PDCD2L: variants seen among roughly 807,000 people sequenced by gnomAD.
PDCD2L encodes uS5 assembly chaperone PDCD2L.
PDCD2L carries 44 observed loss-of-function variants against 40.4 expected under a neutral mutation model. The ratio of observed to expected loss-of-function variants is 1.09; its 90% CI spans 0.86 to 1.40. The LOEUF (loss-of-function observed/expected upper bound fraction) is 1.40. Ranked by LOEUF, PDCD2L falls within the 40% of genes most tolerant of loss-of-function variation. PDCD2L has a pLI of 0.00. For missense variants in PDCD2L, 470 were observed against 453.7 expected, an observed-to-expected ratio of 1.04 and a Z score of -0.33; for synonymous variants, 194 against 174.6, an observed-to-expected ratio of 1.11 and a Z score of -0.88.
chr19:34,423,127 C>T (rs541429006), intron 6 of PDCD2L, among the ~76,000 whole-genome samples: 11 of 152,290 alleles, frequency 7.2e-5, no homozygotes, highest in African/African-American at 2.6e-4. Context: ...AGATAGTATG[C>T]ATCTGGCTCC....
intron 4 of PDCD2L, among the ~76,000 whole-genome samples, chr19:34,410,104 A>G (rs1490358685): frequency 1.3e-5 from 2 of 152,118 alleles, no homozygotes; most frequent in South Asian, 2.1e-4. Flanking sequence ...ATTTTTGCTT[A>G]TTGATTGACT....
chr19:34,411,963 C>CATATATATATATATATATAT (rs74177146), intron 4 of PDCD2L, among the ~76,000 whole-genome samples: 2 of 137,672 alleles, frequency 1.5e-5, no homozygotes, highest in African/African-American at 5.3e-5. Context: ...ATGAAAAATA[C>CATATATATATATATATATAT]ATATATATAT....
chr19:34,424,907 G>A (rs2075169262), intron 6 of PDCD2L, among the ~76,000 whole-genome samples: 1 of 151,982 alleles, frequency 6.6e-6, no homozygotes, highest in Non-Finnish European at 1.5e-5. Context: ...ACCACGCCCA[G>A]CTAATTTTTT....
intron 5 of PDCD2L, among the ~76,000 whole-genome samples, chr19:34,420,516 G>A (rs2075145615): frequency 6.6e-6 from 1 of 151,984 alleles, no homozygotes; most frequent in Non-Finnish European, 1.5e-5. Context: ...AGCTGGATGT[G>A]GTGGCTCACA....
chr19:34,421,043 A>G (rs1395866834), intron 5 of PDCD2L, among the ~76,000 whole-genome samples: 1 of 152,196 alleles, frequency 6.6e-6, no homozygotes, highest in African/African-American at 2.4e-5. Context: ...CTCCTATGAG[A>G]ATCTAATGCT....
intron 4 of PDCD2L, among the ~76,000 whole-genome samples, chr19:34,412,394 A>G (rs1434997282): frequency 3.9e-5 from 6 of 152,166 alleles, no homozygotes; most frequent in Admixed American, 1.3e-4. Flanking sequence ...CTGCAGAGCT[A>G]CATGTACACA....
At chr19:34,405,139 TAA>T (rs2075067950) in intron 3 of PDCD2L, 149 bp downstream of exon 3, 4 of 567,892 alleles carry the variant, frequency 7.0e-6, no homozygotes, top group South Asian at 5.9e-5. Flanking sequence ...GCTATTTTCG[TAA>T]AGTTTTTTTT....
intron 4 of PDCD2L, among the ~76,000 whole-genome samples, chr19:34,410,704 C>A (rs2075098107): frequency 6.6e-6 from 1 of 151,862 alleles, no homozygotes; most frequent in Non-Finnish European, 1.5e-5. Flanking sequence ...TGCATGAAGA[C>A]ATGTTGGTGT....
At chr19:34,411,810 A>G (rs188372314) in intron 4 of PDCD2L, among the ~76,000 whole-genome samples, 534 of 151,560 alleles carry the variant, frequency 3.5e-3, no homozygotes, top group African/African-American at 0.012. Flanking sequence ...ACCCGCCACC[A>G]CACCCGGTTA....
At position 34,404,735 on chromosome 19, in the gene PDCD2L, G is replaced by A. The variant is rs542217141; in HGVS notation, c.195G>A (p.Pro65=). The A allele has an allele frequency of 4.3e-6, 7 of 1,612,112 alleles. No individual in the cohort carries two copies. The East Asian group carries it at 8.9e-5, about 21-fold the overall frequency. The change falls in exon 2 of 7, where the codon CCG becomes CCA. Residue 65 remains proline (P), a synonymous_variant. Coordinates refer to ENST00000246535, the MANE Select transcript of PDCD2L (RefSeq NM_032346.2). The part of the protein sequence containing the change: ...PLALVVQVYC[P]LEGSPFHRLL... ...CTCTGGTCGTGCAGGTGTATTGCCC[G>A]CTGGAAGGCTCCCCGTTTCACCGTC... is the stretch of plus-strand genomic sequence containing the variant.
At chr19:34,416,443 C>G (rs1042543238) in intron 5 of PDCD2L, among the ~76,000 whole-genome samples, 4 of 152,116 alleles carry the variant, frequency 2.6e-5, no homozygotes, top group Non-Finnish European at 5.9e-5. Context: ...CGCCTCCATT[C>G]GAGTGGGATC....
In PDCD2L at chr19:34,426,055, C is replaced by G. The variant is rs779088801; in HGVS notation, c.1012C>G (p.His338Asp). 2 of 1,609,692 alleles carry G rather than the reference C, an allele frequency of 1.2e-6. No individual in the cohort carries two copies. Among genetic ancestry groups the G allele is most frequent in the South Asian group, 1.1e-5 (1 of 90,982 alleles). ...TCEKSCWPPNHQTPMEEFCII... is the reference protein window; with the variant it reads ...TCEKSCWPPNDQTPMEEFCII... Reference sequence around the variant, plus strand: ...TGAGAAGAGTTGCTGGCCCCCAAATCATCAGACTCCCATGGAAGAATTTTG... The same window carrying G: ...TGAGAAGAGTTGCTGGCCCCCAAATGATCAGACTCCCATGGAAGAATTTTG... Residue 338 changes from histidine to aspartate, a missense_variant, in exon 7 of 7, where the codon CAT becomes GAT. Coordinates refer to ENST00000246535, the MANE Select transcript of PDCD2L (RefSeq NM_032346.2).
intron 5 of PDCD2L, among the ~76,000 whole-genome samples, chr19:34,419,184 C>T (rs755038486): frequency 1.2e-4 from 18 of 151,324 alleles, no homozygotes; most frequent in East Asian, 3.9e-4. Context: ...TTTCTTGAGA[C>T]GGAGTCTTGC....
intron 5 of PDCD2L, among the ~76,000 whole-genome samples, chr19:34,420,559 G>A (rs1308678987): frequency 6.6e-6 from 1 of 151,964 alleles, no homozygotes; most frequent in African/African-American, 2.4e-5. Context: ...AGGCTGAGGT[G>A]GGAGGATCAC....
chr19:34,424,268 C>T (rs1003883387), intron 6 of PDCD2L, among the ~76,000 whole-genome samples: 2 of 151,884 alleles, frequency 1.3e-5, no homozygotes, highest in African/African-American at 4.8e-5. Context: ...GATTTTTTCC[C>T]CCTTTGTGAC....
intron 4 of PDCD2L, among the ~76,000 whole-genome samples, chr19:34,410,748 A>G (rs2075098286): frequency 8.7e-6 from 1 of 114,826 alleles, no homozygotes; most frequent in Non-Finnish European, 2.0e-5. Flanking sequence ...TGATGGTTAT[A>G]AGGACTTTTT....
chr19:34,414,531 G>T (rs1394803179), intron 5 of PDCD2L, among the ~76,000 whole-genome samples: 1 of 134,064 alleles, frequency 7.5e-6, no homozygotes, highest in South Asian at 2.4e-4. Flanking sequence ...TGTTGCTCAG[G>T]CTGGAGTGCA....
At chr19:34,424,809 A>G (rs902149772) in intron 6 of PDCD2L, among the ~76,000 whole-genome samples, 3 of 148,974 alleles carry the variant, frequency 2.0e-5, no homozygotes, top group South Asian at 2.1e-4. Flanking sequence ...CAGTGGCACA[A>G]TCTCTTCTCA....
intron 4 of PDCD2L, among the ~76,000 whole-genome samples, chr19:34,412,637 G>A (rs2075108992): frequency 6.6e-6 from 1 of 150,752 alleles, no homozygotes; most frequent in Non-Finnish European, 1.5e-5. Context: ...AGAATTGCTT[G>A]AACCCAGGAG....
Sources: allele counts gnomAD v4.1 joint callset (sites outside exome capture counted in the v4.1 genomes callset), GRCh38; gene constraint gnomAD v4.1.1; transcripts MANE v1.5; gene names NCBI Gene and HGNC (gene_info 2026-07-23, HGNC 2026-07-21).